FMNL3: variants seen among roughly 807,000 people sequenced by gnomAD.
FMNL3 encodes the protein formin like 3, also known as formin-like protein 3.
FMNL3 carries 57 observed loss-of-function variants against 119.6 expected under a neutral mutation model. The observed-to-expected ratio is 0.48, with a 90% CI of 0.39 to 0.59. The LOEUF (loss-of-function observed/expected upper bound fraction) is 0.59, where lower values mean the gene tolerates loss of function less well. Ranked by LOEUF, FMNL3 falls within the 20% of genes least tolerant of loss-of-function variation. The pLI is 0.00. For missense variants in FMNL3, 1,053 were observed against 1,323.5 expected (o/e 0.80, Z 3.17); for synonymous variants, 491 against 507.3 (o/e 0.97, Z 0.43).
chr12:49,675,486 C>A (rs1944162000), intron 1 of FMNL3, among the ~76,000 whole-genome samples: 1 of 152,204 alleles, frequency 6.6e-6, no homozygotes, highest in African/African-American at 2.4e-5. Flanking sequence ...CCTGGGGAGC[C>A]CAATGGGCAG....
At chr12:49,672,701 C>T (rs1359612846) in intron 1 of FMNL3, among the ~76,000 whole-genome samples, 1 of 152,224 alleles carries the variant, frequency 6.6e-6, no homozygotes, top group African/African-American at 2.4e-5. Context: ...CACCCCCAGC[C>T]CAGTGAGCCC....
chr12:49,660,367 GA>G (rs1316156652), intron 5 of FMNL3, among the ~76,000 whole-genome samples: 1 of 152,042 alleles, frequency 6.6e-6, no homozygotes, highest in Non-Finnish European at 1.5e-5. Flanking sequence ...GGCTTATTTG[GA>G]AAAATGAGCT....
In FMNL3 at chr12:49,649,951, A is replaced by C; in HGVS notation, c.2001-26T>G. The C allele has an allele frequency of 1.3e-6, 2 of 1,577,938 alleles. No individual in the cohort carries two copies. Among genetic ancestry groups the C allele is most frequent in the South Asian group, 1.1e-5 (1 of 89,810 alleles). The stretch of plus-strand genomic sequence containing the variant: ...CTGTGGAGGAGGGAGGGACCACCTC[A>C]GTTCTCACATCTCTCCACGTTTTCC... On this transcript the variant is annotated intron_variant, in intron 17 of 25. Transcript: ENST00000335154. The surrounding 1 kb of genome is among the most constrained non-coding windows in gnomAD (Gnocchi z 5.6).
intron 1 of FMNL3, among the ~76,000 whole-genome samples, chr12:49,669,788 C>T (rs774823481): frequency 1.3e-5 from 2 of 152,054 alleles, no homozygotes; most frequent in South Asian, 2.1e-4. Flanking sequence ...GCCAAGATCA[C>T]GCCACTGCAC....
intron 4 of FMNL3, among the ~76,000 whole-genome samples, chr12:49,663,809 T>A (rs1344047634): frequency 6.6e-6 from 1 of 152,194 alleles, no homozygotes; most frequent in Non-Finnish European, 1.5e-5. Flanking sequence ...AGCACACCCC[T>A]ATCCTCAGAT....
intron 1 of FMNL3, among the ~76,000 whole-genome samples, chr12:49,700,714 CAAAA>C (rs59073094): frequency 3.1e-5 from 2 of 63,992 alleles, no homozygotes; most frequent in Non-Finnish European, 5.6e-5. Context: ...GACTCCACCT[CAAAA>C]AAAAAAAAAA....
At chr12:49,646,842 G>A in intron 25 of FMNL3, 44 bp downstream of exon 25, 1 of 1,610,514 alleles carries the variant, frequency 6.2e-7, no homozygotes, top group Admixed American at 1.7e-5. Context: ...AGCTTTGGGA[G>A]CTGGGTGCAA....
intron 1 of FMNL3, among the ~76,000 whole-genome samples, chr12:49,697,214 T>C (rs979939669): frequency 2.6e-5 from 4 of 152,162 alleles, no homozygotes; most frequent in African/African-American, 7.2e-5. Flanking sequence ...TGCCACTTGA[T>C]GAGTTTTAGG....
chr12:49,689,802 C>G (rs1182466132), intron 1 of FMNL3, among the ~76,000 whole-genome samples: 1 of 152,234 alleles, frequency 6.6e-6, no homozygotes, highest in Non-Finnish European at 1.5e-5. Context: ...CTAAACTCCT[C>G]TATTCCAGCA....
chr12:49,667,683 A>G (rs745348416), intron 2 of FMNL3, among the ~76,000 whole-genome samples: 4 of 152,192 alleles, frequency 2.6e-5, no homozygotes, highest in Non-Finnish European at 5.9e-5. Flanking sequence ...CAGTGTGTTG[A>G]GTACTTGGTC....
intron 4 of FMNL3, 93 bp downstream of exon 4, chr12:49,665,739 A>T: frequency 3.0e-6 from 4 of 1,329,988 alleles, no homozygotes; most frequent in Non-Finnish European, 4.3e-6. Context: ...GGGAAGATGA[A>T]CAGGAACACC....
Position 49,637,395 on chromosome 12 carries a change from T to A in FMNL3, c.*8420A>T. 1 of 995,222 alleles carries A rather than the reference T, an allele frequency of 1.0e-6. No individual in the cohort carries two copies. The highest frequency in any genetic ancestry group is 1.6e-6 in the Non-Finnish European group (1 of 640,304). 61.6% of individuals were successfully genotyped at this position (995,222 alleles called of 1,614,324 possible). A position where few individuals can be genotyped will look rare whatever the true frequency, so the allele number is the denominator to read the frequency against. ...TTGTCCCTGCCTCTTCCTCTGCCATTCCCTCTCTTCCCCCTCAGTCTGTGG... is the reference window on the plus strand; with the variant it reads ...TTGTCCCTGCCTCTTCCTCTGCCATACCCTCTCTTCCCCCTCAGTCTGTGG... On this transcript the variant is annotated 3_prime_UTR_variant, in exon 26 of 26. Transcript: ENST00000335154.
Position 49,641,870 on chromosome 12 carries a change from A to G in FMNL3, c.*3945T>C. The G allele has an allele frequency of 6.3e-6, 10 of 1,581,956 alleles. No individual in the cohort carries two copies. The highest frequency in any genetic ancestry group is 5.4e-5 in the African/African-American group (4 of 74,390). On this transcript the variant is annotated 3_prime_UTR_variant, in exon 26 of 26. Coordinates refer to ENST00000335154, the MANE Select transcript of FMNL3 (RefSeq NM_175736.5). The stretch of plus-strand genomic sequence containing the variant: ...CTGCCTGCCAGCTTTGGCCTCAGGC[A>G]CGTGGTGCCCCTGCTTCATGCACTG...
In FMNL3 at chr12:49,692,633, C is replaced by T. The variant is rs143592245; in HGVS notation, c.126+14422G>A. Among the ~76,000 whole-genome samples, 1,250 of 152,148 alleles carry T rather than the reference C, an allele frequency of 8.2e-3. 17 individuals carry two copies. The highest frequency in any genetic ancestry group is 9.4e-3 in the Non-Finnish European group (636 of 68,006). On this transcript the variant is annotated intron_variant, in intron 1 of 25. Transcript: ENST00000335154. ...ATTGCCTTTTTAGATTATATTTACACGTACATATATATCTTGGAGATTCCC... is the reference window on the plus strand; with the variant it reads ...ATTGCCTTTTTAGATTATATTTACATGTACATATATATCTTGGAGATTCCC...
chr12:49,657,010 C>T, intron 7 of FMNL3, 72 bp downstream of exon 7: 1 of 1,553,070 alleles, frequency 6.4e-7, no homozygotes, highest in East Asian at 2.2e-5. Context: ...AAGCTGATGC[C>T]CTCCTAGCTC....
In FMNL3 at chr12:49,637,466, T is replaced by C. The variant is rs780039787; in HGVS notation, c.*8349A>G. ...CTCCCTATAACTGGCCTCTCCCTGC[T>C]CAGACCTTCCTGGACGAGCTGCATG... On this transcript the variant is annotated 3_prime_UTR_variant, in exon 26 of 26. Coordinates refer to ENST00000335154, the MANE Select transcript of FMNL3 (RefSeq NM_175736.5). The C allele has an allele frequency of 6.2e-7, 1 of 1,611,698 alleles. No homozygotes were observed. The highest frequency in any genetic ancestry group is 2.2e-5 in the East Asian group (1 of 44,866).
chr12:49,693,139 G>A (rs918606744), intron 1 of FMNL3, among the ~76,000 whole-genome samples: 1 of 152,154 alleles, frequency 6.6e-6, no homozygotes, highest in Non-Finnish European at 1.5e-5. Context: ...GCCATTAAAG[G>A]TTTTTAGGCC....
At chr12:49,675,366 C>T (rs905080220) in intron 1 of FMNL3, among the ~76,000 whole-genome samples, 21 of 152,220 alleles carry the variant, frequency 1.4e-4, no homozygotes, top group Non-Finnish European at 2.9e-4. Flanking sequence ...GGAAAGTATT[C>T]TGCTGGGGGC....
intron 11 of FMNL3, 136 bp from the exon 12 acceptor site, chr12:49,654,010 C>T: frequency 7.5e-7 from 1 of 1,341,482 alleles, no homozygotes. Flanking sequence ...ATGTCAGATT[C>T]TCGCCCCCAT....
Sources: gnomAD v4.1 joint callset for allele counts (sites outside exome capture counted in the v4.1 genomes callset) on GRCh38, gnomAD v4.1.1 for gene constraint, Gnocchi (gnomAD v3.1) non-coding constraint, MANE v1.5 for transcripts, NCBI Gene and HGNC (gene_info 2026-07-23, HGNC 2026-07-21) for gene names.